MYO6: variants seen among roughly 807,000 people sequenced by gnomAD.
MYO6 encodes unconventional myosin-VI.
A neutral mutation model predicts 178.7 loss-of-function variants in MYO6; 74 were observed. The ratio of observed to expected loss-of-function variants is 0.41; its 90% CI spans 0.34 to 0.50. The LOEUF is 0.50. Among genes scored for constraint, MYO6 ranks in the 20% least tolerant of loss-of-function variants. MYO6 has a pLI of 0.09. For synonymous variants in MYO6, 477 were observed against 504.6 expected, an observed-to-expected ratio of 0.95 and a Z score of 0.73; for missense variants, 1,330 against 1,547.4, an observed-to-expected ratio of 0.86 and a Z score of 2.36.
intron 29 of MYO6, 141 bp from the exon 30 acceptor site, chr6:75,898,232 G>A (rs1779454349): frequency 3.6e-6 from 2 of 559,432 alleles, no homozygotes; most frequent in Non-Finnish European, 6.0e-6. Flanking sequence ...GTATATTCTA[G>A]GCATTAACAA....
chr6:75,845,143 T>C (rs1017686649), intron 10 of MYO6, among the ~76,000 whole-genome samples, 166 bp downstream of exon 10: 2 of 152,172 alleles, frequency 1.3e-5, no homozygotes, highest in African/African-American at 4.8e-5. Flanking sequence ...TAATACTTTA[T>C]ACCTCTTGTT....
chr6:75,833,035 G>A, intron 6 of MYO6, 88 bp downstream of exon 6: 1 of 881,522 alleles, frequency 1.1e-6, no homozygotes, highest in Non-Finnish European at 1.9e-6. Flanking sequence ...CACCCAGGGT[G>A]GAATGCAGTG....
Position 75,914,084 on chromosome 6 carries a change from A to G in MYO6, c.3461A>G (p.Gln1154Arg), listed in dbSNP as rs1780972391. 1 of 1,614,028 alleles carries G rather than the reference A, an allele frequency of 6.2e-7. No individual in the cohort carries two copies. The highest frequency in any genetic ancestry group is 1.7e-5 in the Admixed American group (1 of 59,994). Residue 1154 changes from glutamine (Q) to arginine (R), a missense_variant, in exon 34 of 35, where the codon CAG becomes CGG. Physicochemically the swap from Gln to Arg is conservative, Grantham distance 43. Transcript: ENST00000369977. ...NNSPQQNPAA[Q>R]IPARQREIEM... ...ATAGCTCAGCAAAACCCAGCAGCTC[A>G]GATTCCTGCCAGGCAGCGGGAGATT... is the stretch of plus-strand genomic sequence containing the variant.
At chr6:75,804,901 C>T (rs1583137156) in intron 1 of MYO6, among the ~76,000 whole-genome samples, 1 of 143,032 alleles carries the variant, frequency 7.0e-6, no homozygotes. Flanking sequence ...CATATATATA[C>T]ATATATACAC....
At chr6:75,898,448 C>T (rs752187960) in intron 30 of MYO6, 37 bp downstream of exon 30, 12 of 1,540,386 alleles carry the variant, frequency 7.8e-6, no homozygotes, top group African/African-American at 2.7e-5. Flanking sequence ...AAGTGTTCAC[C>T]TCAAAATCAT....
At chr6:75,764,695 T>C (rs190610462) in intron 1 of MYO6, among the ~76,000 whole-genome samples, 37 of 152,274 alleles carry the variant, frequency 2.4e-4, no homozygotes, top group Admixed American at 9.8e-4. Flanking sequence ...ATGTGGATTA[T>C]ATCTATTGAT....
intron 1 of MYO6, among the ~76,000 whole-genome samples, chr6:75,777,763 A>G (rs1766537821): frequency 6.6e-6 from 1 of 152,156 alleles, no homozygotes; most frequent in Non-Finnish European, 1.5e-5. Context: ...ATGAAGAAAC[A>G]CTTATTCCCT....
At chr6:75,904,147 G>C (rs1780063838) in intron 30 of MYO6, among the ~76,000 whole-genome samples, 1 of 151,212 alleles carries the variant, frequency 6.6e-6, no homozygotes. Context: ...CTTTCTCTCT[G>C]GCTGCCCTTA....
chr6:75,768,321 T>C (rs1382104311), intron 1 of MYO6, among the ~76,000 whole-genome samples: 2 of 151,030 alleles, frequency 1.3e-5, no homozygotes, highest in Non-Finnish European at 2.9e-5. Flanking sequence ...CAAGTGTAAA[T>C]AATTCATTTT....
intron 1 of MYO6, among the ~76,000 whole-genome samples, chr6:75,798,319 T>G (rs1440964087): frequency 1.3e-5 from 2 of 152,212 alleles, no homozygotes; most frequent in Non-Finnish European, 2.9e-5. Flanking sequence ...TTCTCTGTTC[T>G]CTATTCTGTC....
Position 75,915,721 on chromosome 6 carries a change from A to G in MYO6, c.*709A>G, listed in dbSNP as rs937333293. ...AGAATATTCTTTTTATATTCTGTGG[A>G]AAAATAAAGGAAATTCAGATTGTTT... On this transcript the variant is annotated 3_prime_UTR_variant, in exon 35 of 35. Coordinates refer to ENST00000369977, the MANE Select transcript of MYO6 (RefSeq NM_004999.4). 2 of 152,628 alleles carry G rather than the reference A, an allele frequency of 1.3e-5. No homozygotes were observed. Among genetic ancestry groups the G allele is most frequent in the Non-Finnish European group, 2.9e-5 (2 of 68,032 alleles). The allele number at this position is 152,628 out of a possible 1,614,324, so 9.5% of individuals were successfully genotyped here.
At chr6:75,849,850 T>C (rs575706874) in intron 11 of MYO6, among the ~76,000 whole-genome samples, 58 of 152,154 alleles carry the variant, frequency 3.8e-4, no homozygotes, top group Non-Finnish European at 7.4e-4. Context: ...TTTATGACCT[T>C]GCAGCGGCTT....
chr6:75,766,378 G>T (rs1016195578), intron 1 of MYO6, among the ~76,000 whole-genome samples: 10 of 152,058 alleles, frequency 6.6e-5, no homozygotes, highest in African/African-American at 2.4e-4. Context: ...ACATATGTGT[G>T]TGTGTGTATA....
intron 1 of MYO6, among the ~76,000 whole-genome samples, chr6:75,783,473 C>T (rs2150059026): frequency 6.6e-6 from 1 of 151,920 alleles, no homozygotes; most frequent in East Asian, 1.9e-4. Context: ...GATGATGGCT[C>T]ACAGGGTAGA....
At chr6:75,857,643 G>A (rs1775840907) in intron 13 of MYO6, among the ~76,000 whole-genome samples, 1 of 152,160 alleles carries the variant, frequency 6.6e-6, no homozygotes. Context: ...CTAATTTGTA[G>A]AGCTGGGGAT....
intron 11 of MYO6, among the ~76,000 whole-genome samples, chr6:75,850,896 GAA>G (rs72501519): frequency 7.5e-5 from 11 of 147,328 alleles, no homozygotes; most frequent in South Asian, 4.3e-4. Flanking sequence ...AATTTAAAAT[GAA>G]AAAAAAAAAT....
chr6:75,771,177 T>C (rs1765858989), intron 1 of MYO6, among the ~76,000 whole-genome samples: 1 of 151,978 alleles, frequency 6.6e-6, no homozygotes, highest in African/African-American at 2.4e-5. Context: ...AATTTTTGTA[T>C]TTTTTGTAGA....
chr6:75,841,385 C>A lies in MYO6; in HGVS notation c.816+7C>A. The A allele has an allele frequency of 6.2e-7, 1 of 1,612,490 alleles. No homozygotes were observed. Among genetic ancestry groups the A allele is most frequent in the South Asian group, 1.1e-5 (1 of 90,932 alleles). The stretch of plus-strand genomic sequence containing the variant: ...TTCACCAGATAATTTTCGGGTAGGT[C>A]AGAAGAAAAGAAATTTCATATAGCC... On this transcript the variant is annotated splice_region_variant and intron_variant, in intron 9 of 34. Coordinates refer to ENST00000369977, the MANE Select transcript of MYO6 (RefSeq NM_004999.4).
chr6:75,870,113 C>CA lies in MYO6; in HGVS notation c.1945-527dup, dbSNP rs1469679782. Among the ~76,000 whole-genome samples the CA allele has an allele frequency of 1.2e-4, 17 of 146,690 alleles. No homozygotes were observed. In the East Asian group the frequency reaches 3.4e-3, roughly 29 times the overall value. On this transcript the variant is annotated intron_variant, in intron 18 of 34. Transcript: ENST00000369977. The stretch of plus-strand genomic sequence containing the variant: ...TGGGCGACAGAGCAAGACTCCGTCT[C>CA]AAAAAAAGAAAAAAAAAAAAGTTAC...
Sources: gnomAD v4.1 joint callset for allele counts (sites outside exome capture counted in the v4.1 genomes callset) on GRCh38, gnomAD v4.1.1 for gene constraint, MANE v1.5 for transcripts, NCBI Gene and HGNC (gene_info 2026-07-23, HGNC 2026-07-21) for gene names.